Variants in RRM2B observed in about 807,000 individuals in gnomAD.
The protein encoded by RRM2B is ribonucleotide reductase regulatory TP53 inducible subunit M2B, also known as ribonucleoside-diphosphate reductase subunit M2 B.
A neutral mutation model predicts 45.9 loss-of-function variants in RRM2B; 20 were observed. That is an observed-to-expected ratio of 0.44 (90% CI 0.31 to 0.63). RRM2B has a LOEUF of 0.63. Among genes scored for constraint, RRM2B ranks in the 30% least tolerant of loss-of-function variants. The pLI, the probability that RRM2B is intolerant of heterozygous loss-of-function variation, is 0.09. For missense variants in RRM2B, 320 were observed against 414.7 expected (o/e 0.77, Z 1.98); for synonymous variants, 124 against 132.3 (o/e 0.94, Z 0.43).
At position 102,207,142 on chromosome 8, in the gene RRM2B, C is replaced by T. The variant is rs945041838; in HGVS notation, c.*991G>A. ...TTAAGTATGTTGGGAATATGCAGGG[C>T]GAGATAAATTTATGTACCACTGAAC... On this transcript the variant is annotated 3_prime_UTR_variant, in exon 9 of 9. Transcript: ENST00000251810. The T allele has an allele frequency of 3.3e-5, 5 of 152,082 alleles. No homozygotes were observed. Among genetic ancestry groups the T allele is most frequent in the Admixed American group, 1.3e-4 (2 of 15,264 alleles). 9.4% of individuals were successfully genotyped at this position (152,082 alleles called of 1,614,324 possible). A position where few individuals can be genotyped will look rare whatever the true frequency, so the allele number is the denominator to read the frequency against.
Position 102,205,493 on chromosome 8 carries a change from GC to G in RRM2B, c.*2639del, listed in dbSNP as rs553373185. The G allele has an allele frequency of 3.5e-4, 54 of 152,230 alleles. No individual in the cohort carries two copies. Among genetic ancestry groups the G allele is most frequent in the African/African-American group, 1.2e-3 (51 of 41,570 alleles). The allele number at this position is 152,230 out of a possible 1,614,324, so 9.4% of individuals were successfully genotyped here. A position where few individuals can be genotyped will look rare whatever the true frequency, so the allele number is the denominator to read the frequency against. On this transcript the variant is annotated 3_prime_UTR_variant, in exon 9 of 9. Coordinates refer to ENST00000251810, the MANE Select transcript of RRM2B (RefSeq NM_015713.5). ...AACTATTATTGTATATAATTGGACA[GC>G]AAAACCCAGTCCTGTCTAAAAGCAA...
At chr8:102,217,360 T>TGAGACA (rs1397514784) in intron 6 of RRM2B, among the ~76,000 whole-genome samples, 2 of 152,172 alleles carry the variant, frequency 1.3e-5, no homozygotes, top group South Asian at 2.1e-4. Context: ...TAATTTTTTA[T>TGAGACA]TCTCTCAATT....
intron 1 of RRM2B, 130 bp downstream of exon 1, chr8:102,238,697 T>C (rs778668306): frequency 1.3e-6 from 2 of 1,557,246 alleles, no homozygotes; most frequent in South Asian, 2.3e-5. Context: ...GAAGCCAGGC[T>C]GCGGCGAGGG....
intron 8 of RRM2B, 123 bp downstream of exon 8, chr8:102,212,653 C>A (rs949708820): frequency 1.4e-5 from 9 of 621,886 alleles, no homozygotes; most frequent in Non-Finnish European, 2.6e-5. Flanking sequence ...CAAAACAAGT[C>A]TCTGTCATTG....
rs1198711243 is a variant in RRM2B at position 102,208,292 on chromosome 8, A to C, written c.904-7T>G. On this transcript the variant is annotated splice_polypyrimidine_tract_variant and splice_region_variant and intron_variant, in intron 8 of 8. Transcript: ENST00000251810. Reference sequence around the variant, plus strand: ...GATTTTCTGCCTGAAAAACCTAAAAAGGAAAGAAATATTATTAGACATTCT... The same window carrying C: ...GATTTTCTGCCTGAAAAACCTAAAACGGAAAGAAATATTATTAGACATTCT... 2 of 1,528,486 alleles carry C rather than the reference A, an allele frequency of 1.3e-6. No homozygotes were observed. Among genetic ancestry groups the C allele is most frequent in the South Asian group, 2.2e-5 (2 of 89,006 alleles). The allele number at this position is 1,528,486 out of a possible 1,614,324, so 94.7% of individuals were successfully genotyped here. A position where few individuals can be genotyped will look rare whatever the true frequency, so the allele number is the denominator to read the frequency against.
intron 3 of RRM2B, 107 bp downstream of exon 3, chr8:102,225,811 T>C (rs1810922178): frequency 2.6e-6 from 2 of 755,456 alleles, no homozygotes; most frequent in Admixed American, 3.6e-5. Flanking sequence ...CTTCATCTAG[T>C]TCATTTTTTA....
At chr8:102,234,283 T>C (rs1164267507) in intron 1 of RRM2B, among the ~76,000 whole-genome samples, 4 of 152,230 alleles carry the variant, frequency 2.6e-5, no homozygotes, top group African/African-American at 9.7e-5. Context: ...TCTCCTGTTC[T>C]ATCCTGATAA....
intron 5 of RRM2B, 144 bp downstream of exon 5, chr8:102,223,902 A>T: frequency 1.4e-6 from 1 of 726,836 alleles, no homozygotes; most frequent in Non-Finnish European, 2.5e-6. Context: ...TATTAGGAAT[A>T]ATGATTTTGG....
Position 102,238,952 on chromosome 8 carries a change from G to A in RRM2B, c.-78C>T, listed in dbSNP as rs1811183261. On this transcript the variant is annotated 5_prime_UTR_variant, in exon 1 of 9. Transcript: ENST00000251810. ...CACCTCCAACTACGACAGCACCCAG[G>A]TGGTCCGCTGGTCCGCTGGGTCCGC... 14 of 1,469,860 alleles carry A rather than the reference G, an allele frequency of 9.5e-6. No homozygotes were observed. The highest frequency in any genetic ancestry group is 1.4e-5 in the African/African-American group (1 of 72,728). The allele number at this position is 1,469,860 out of a possible 1,614,324, so 91.1% of individuals were successfully genotyped here.
chr8:102,235,744 C>G (rs899695897), intron 1 of RRM2B, among the ~76,000 whole-genome samples: 3 of 152,134 alleles, frequency 2.0e-5, no homozygotes, highest in Non-Finnish European at 4.4e-5. Context: ...GAGGCTGAGG[C>G]AGGAGAATCA....
chr8:102,226,083 T>C, intron 2 of RRM2B, 49 bp from the exon 3 acceptor site: 3 of 1,139,622 alleles, frequency 2.6e-6, no homozygotes, highest in African/African-American at 1.5e-5. Context: ...TAAGTTCTTC[T>C]CAAAGTGTTT....
At chr8:102,238,540 A>AG (rs1811164759) in intron 1 of RRM2B, 1 of 1,490,284 alleles carries the variant, frequency 6.7e-7, no homozygotes, top group Non-Finnish European at 9.0e-7. Context: ...AGGCGGATAA[A>AG]CGCAGGGGTA....
At chr8:102,229,247 G>C (rs1421950179) in intron 2 of RRM2B, among the ~76,000 whole-genome samples, 1 of 151,686 alleles carries the variant, frequency 6.6e-6, no homozygotes, top group East Asian at 1.9e-4. Flanking sequence ...GTGCAACTCT[G>C]TCTCAAAAAC....
chr8:102,224,806 C>A (rs1810900052), intron 4 of RRM2B, 79 bp downstream of exon 4: 1 of 1,343,052 alleles, frequency 7.4e-7, no homozygotes, highest in South Asian at 1.2e-5. Flanking sequence ...CTTTCCTTAA[C>A]ATTGAGTTTT....
chr8:102,226,326 T>TTATATA (rs28999707), intron 2 of RRM2B, among the ~76,000 whole-genome samples: 1 of 146,862 alleles, frequency 6.8e-6, no homozygotes, highest in Non-Finnish European at 1.5e-5. Context: ...AACCATTTTA[T>TTATATA]TATATATATA....
intron 7 of RRM2B, 113 bp from the exon 8 acceptor site, chr8:102,213,002 T>TA: frequency 1.4e-6 from 1 of 692,684 alleles, no homozygotes; most frequent in Non-Finnish European, 2.6e-6. Flanking sequence ...CCAAGGAAAG[T>TA]ATATTAGGAT....
intron 2 of RRM2B, among the ~76,000 whole-genome samples, chr8:102,231,168 G>A (rs1811021364): frequency 6.6e-6 from 1 of 152,192 alleles, no homozygotes; most frequent in South Asian, 2.1e-4. Flanking sequence ...TGTTCAGTTA[G>A]ACTACAGGGC....
At chr8:102,235,765 A>G (rs1291838630) in intron 1 of RRM2B, among the ~76,000 whole-genome samples, 2 of 152,136 alleles carry the variant, frequency 1.3e-5, no homozygotes, top group East Asian at 3.9e-4. Flanking sequence ...CTTGAACCCA[A>G]GAGGCAGAGG....
rs1253601004 is a variant in RRM2B, at chr8:102,212,873, G to C, written c.806C>G (p.Ala269Gly). 4 of 1,600,094 alleles carry C rather than the reference G, an allele frequency of 2.5e-6. No individual in the cohort carries two copies. The highest frequency in any genetic ancestry group is 3.4e-6 in the Non-Finnish European group (4 of 1,167,758). ...VKIEQEFLTE[A>G]LPVGLIGMNC... ...CATTCCAATGAGGCCAACTGGCAAG[G>C]CTTCTGTTAAAAACTCCTGGGATGA... is the stretch of plus-strand genomic sequence containing the variant. The change falls in exon 8 of 9, where the codon GCC becomes GGC. Residue 269 changes from alanine (A) to glycine (G), a missense_variant. This residue lies in a region of RRM2B where 225 missense variants were observed against 289.4 expected (regional missense o/e 0.78). Coordinates refer to ENST00000251810, the MANE Select transcript of RRM2B (RefSeq NM_015713.5).
Sources: allele counts gnomAD v4.1 joint callset (sites outside exome capture counted in the v4.1 genomes callset), GRCh38; gene constraint gnomAD v4.1.1; regional missense constraint gnomAD v4.1.1; transcripts MANE v1.5; gene names NCBI Gene and HGNC (gene_info 2026-07-23, HGNC 2026-07-21).